Variants in TTI1 observed in about 807,000 individuals in gnomAD.
TTI1 encodes the protein TELO2-interacting protein 1 homolog.
In TTI1, 52 loss-of-function variants were observed where a neutral mutation model predicts 85.4. The ratio of observed to expected loss-of-function variants is 0.61; its 90% confidence interval spans 0.49 to 0.77. TTI1 has a LOEUF of 0.77. Ranked by LOEUF, TTI1 falls within the 30% of genes least tolerant of loss-of-function variation. The pLI, the probability that TTI1 is intolerant of heterozygous loss-of-function variation, is 0.00. For missense variants in TTI1, 1,173 were observed against 1,296.0 expected, an observed-to-expected ratio of 0.91 and a Z score of 1.46; for synonymous variants, 512 against 503.9, an observed-to-expected ratio of 1.02 and a Z score of -0.22.
At chr20:38,031,167 T>G (rs1303664263) in intron 1 of TTI1, among the ~76,000 whole-genome samples, 7 of 152,224 alleles carry the variant, frequency 4.6e-5, no homozygotes, top group East Asian at 1.9e-4. Flanking sequence ...ACCTTTGCAC[T>G]CTTACTGTCT....
intron 5 of TTI1, among the ~76,000 whole-genome samples, chr20:37,998,252 CAT>C: frequency 1.1e-5 from 1 of 92,934 alleles, no homozygotes; most frequent in Non-Finnish European, 2.2e-5. Context: ...CTTTGGCACA[CAT>C]ACATACACAC....
intron 4 of TTI1, among the ~76,000 whole-genome samples, chr20:38,002,044 G>A (rs1328549143): frequency 1.3e-5 from 2 of 152,030 alleles, no homozygotes; most frequent in Non-Finnish European, 2.9e-5. Flanking sequence ...CTCCTGCTTG[G>A]GGGTAGAGAG....
chr20:38,030,078 T>C (rs1025925348), intron 1 of TTI1, among the ~76,000 whole-genome samples: 33 of 152,156 alleles, frequency 2.2e-4, no homozygotes, highest in African/African-American at 7.7e-4. Flanking sequence ...CCCATATAAA[T>C]TTGACAACTT....
At chr20:38,017,435 T>TGTGTGTGCGC (rs879610985) in intron 1 of TTI1, among the ~76,000 whole-genome samples, 4 of 146,224 alleles carry the variant, frequency 2.7e-5, no homozygotes, top group Non-Finnish European at 4.5e-5. Flanking sequence ...TGTGTGTGTG[T>TGTGTGTGCGC]GCGCGCGCGC....
chr20:37,999,351 A>G (rs745490029), intron 4 of TTI1, 23 bp from the exon 5 acceptor site: 2 of 1,381,888 alleles, frequency 1.4e-6, no homozygotes, highest in Admixed American at 2.9e-5. Context: ...CGATTTCAGC[A>G]GATGGTATAG....
chr20:38,006,499 A>G (rs948186163), intron 2 of TTI1, 102 bp from the exon 3 acceptor site: 10 of 1,312,822 alleles, frequency 7.6e-6, no homozygotes, highest in Non-Finnish European at 1.1e-5. Flanking sequence ...CAGCCCCCAC[A>G]TGATTCAGTC....
chr20:37,999,572 G>A (rs929647946), intron 4 of TTI1, among the ~76,000 whole-genome samples: 6 of 152,182 alleles, frequency 3.9e-5, no homozygotes, highest in African/African-American at 1.4e-4. Flanking sequence ...ACGCCTAAAT[G>A]AAGAGATGAT....
rs772019969 is a variant in TTI1, at chr20:37,996,370, C to T, written c.3086+5G>A. The T allele has an allele frequency of 9.9e-6, 16 of 1,614,046 alleles. No individual in the cohort carries two copies. The highest frequency in any genetic ancestry group is 6.7e-5 in the African/African-American group (5 of 75,020). ...AAAGGGATGCGGGTGATCAGGCAGA[C>T]GTACCTCCTGGCAGCCTCTTGTAAT... On this transcript the variant is annotated splice_donor_5th_base_variant and intron_variant, in intron 7 of 7. Coordinates refer to ENST00000373447, the MANE Select transcript of TTI1 (RefSeq NM_001303457.2).
intron 1 of TTI1, among the ~76,000 whole-genome samples, chr20:38,021,105 A>G (rs1237748623): frequency 6.6e-6 from 1 of 152,250 alleles, no homozygotes; most frequent in Non-Finnish European, 1.5e-5. Flanking sequence ...GCCTATCTGT[A>G]GTAGAATGGA....
At chr20:38,010,751 C>T (rs1250053736) in intron 2 of TTI1, among the ~76,000 whole-genome samples, 1 of 152,102 alleles carries the variant, frequency 6.6e-6, no homozygotes, top group Non-Finnish European at 1.5e-5. Flanking sequence ...GCTGGGATTA[C>T]AGGCATGAGC....
Position 38,019,146 on chromosome 20 carries a change from TA to T in TTI1, c.-41-5290del, listed in dbSNP as rs577295435. ...GCCTCGGTGACAGAGTGAGCAGGTCTAAAAAAAAAAAAAAACAAGGGTGAAA... is the reference window on the plus strand; with the variant it reads ...GCCTCGGTGACAGAGTGAGCAGGTCTAAAAAAAAAAAAAACAAGGGTGAAA... On this transcript the variant is annotated intron_variant, in intron 1 of 7. Transcript: ENST00000373447. 4.8e-3 allele frequency: 556 copies of T among 115,668 alleles called. No individual in the cohort carries two copies. The highest frequency in any genetic ancestry group is 0.013 in the Middle Eastern group (3 of 230). The allele number at this position is 115,668 out of a possible 1,614,324, so 7.2% of individuals were successfully genotyped here. A position where few individuals can be genotyped will look rare whatever the true frequency, so the allele number is the denominator to read the frequency against.
intron 3 of TTI1, 53 bp from the exon 4 acceptor site, chr20:38,002,829 T>C (rs2122540909): frequency 2.5e-6 from 4 of 1,596,178 alleles, no homozygotes; most frequent in South Asian, 1.1e-5. Flanking sequence ...AAAACAGAGA[T>C]ACCTAAATTT....
chr20:37,987,772 A>G (rs1191552362), intron 7 of TTI1, among the ~76,000 whole-genome samples: 1 of 152,230 alleles, frequency 6.6e-6, no homozygotes, highest in East Asian at 1.9e-4. Context: ...CTTAAAATGC[A>G]GTTTTATTGA....
At chr20:38,032,982 G>C (rs1269729696) in intron 1 of TTI1, among the ~76,000 whole-genome samples, 3 of 152,138 alleles carry the variant, frequency 2.0e-5, no homozygotes, top group Admixed American at 6.5e-5. Flanking sequence ...AAAGCAGCAC[G>C]TAATAATACC....
At chr20:38,024,319 T>A (rs1211702828) in intron 1 of TTI1, among the ~76,000 whole-genome samples, 3 of 152,156 alleles carry the variant, frequency 2.0e-5, no homozygotes, top group African/African-American at 7.2e-5. Flanking sequence ...AACTTAAGCT[T>A]CTCGGGAGAT....
rs1391903890 is a variant in TTI1, at chr20:37,999,764, CAG to C, written c.2653-438_2653-437del. ...ACTGGAAACCGTGATGAGGAAGACT[CAG>C]AGGTGGAACAGAGCTTTCATAAGAA... On this transcript the variant is annotated intron_variant, in intron 4 of 7. Transcript: ENST00000373447. Among the ~76,000 whole-genome samples the C allele has an allele frequency of 2.0e-5, 3 of 152,284 alleles. No individual in the cohort carries two copies. In the East Asian group the frequency reaches 5.8e-4, roughly 29 times the overall value.
intron 4 of TTI1, chr20:38,000,327 A>T (rs545004584): frequency 6.5e-6 from 1 of 154,982 alleles, no homozygotes; most frequent in Admixed American, 6.5e-5. Flanking sequence ...TAATCTCACC[A>T]GAAAGGGTTA....
In TTI1 at chr20:38,020,346, ATATATATG is replaced by A. The variant is rs201828695; in HGVS notation, c.-41-6497_-41-6490del. On this transcript the variant is annotated intron_variant, in intron 1 of 7. Coordinates refer to ENST00000373447, the MANE Select transcript of TTI1 (RefSeq NM_001303457.2). ...AAAATATATATATATATATATATAT[ATATATATG>A]TATGTATCTTGATTCCATCACATCC... Among the ~76,000 whole-genome samples, 651 of 129,120 alleles carry A rather than the reference ATATATATG, an allele frequency of 5.0e-3. 5 individuals are homozygous for A. The highest frequency in any genetic ancestry group is 0.024 in the Middle Eastern group (6 of 252). The allele number at this position is 129,120 out of a possible 152,430, so 84.7% of individuals were successfully genotyped here. A position where few individuals can be genotyped will look rare whatever the true frequency, so the allele number is the denominator to read the frequency against.
intron 1 of TTI1, among the ~76,000 whole-genome samples, chr20:38,026,283 T>C (rs2073835776): frequency 6.6e-6 from 1 of 152,016 alleles, no homozygotes; most frequent in Non-Finnish European, 1.5e-5. Flanking sequence ...CCTCAGCCTC[T>C]CAAGTACCTG....
Sources: gnomAD v4.1 joint callset for allele counts (sites outside exome capture counted in the v4.1 genomes callset) on GRCh38, gnomAD v4.1.1 for gene constraint, MANE v1.5 for transcripts, NCBI Gene and HGNC (gene_info 2026-07-23, HGNC 2026-07-21) for gene names.